CFAP299: variants seen among roughly 807,000 people sequenced by gnomAD.
CFAP299 encodes cilia and flagella associated protein 299.
A neutral mutation model predicts 27.0 loss-of-function variants in CFAP299; 21 were observed. The ratio of observed to expected loss-of-function variants is 0.78; its 90% CI spans 0.55 to 1.12. CFAP299 has a LOEUF of 1.12. Ranked by LOEUF, CFAP299 falls within the 50% of genes most tolerant of loss-of-function variation. The pLI, the probability that CFAP299 is intolerant of heterozygous loss-of-function variation, is 0.00. For synonymous variants in CFAP299, 104 were observed against 98.1 expected (o/e 1.06, Z -0.36); for missense variants, 310 against 276.6 (o/e 1.12, Z -0.86).
At chr4:80,348,426 T>C (rs1265671759) in intron 1 of CFAP299, among the ~76,000 whole-genome samples, 1 of 152,038 alleles carries the variant, frequency 6.6e-6, no homozygotes, top group Non-Finnish European at 1.5e-5. Flanking sequence ...ACAAGAAACT[T>C]AAACAAATTT....
chr4:80,731,981 T>C (rs1723551929), intron 3 of CFAP299, among the ~76,000 whole-genome samples: 1 of 152,076 alleles, frequency 6.6e-6, no homozygotes, highest in Admixed American at 6.6e-5. Flanking sequence ...AAAGCATCCA[T>C]AGAATTTTGT....
At position 80,862,496 on chromosome 4, in the gene CFAP299, A is replaced by G. The variant is rs189364093; in HGVS notation, c.334-7497A>G. 2.1e-3 allele frequency among the ~76,000 whole-genome samples: 325 copies of G among 152,348 alleles called. 2 individuals carry two copies. Among genetic ancestry groups the G allele is most frequent in the African/African-American group, 7.4e-3 (308 of 41,578 alleles). On this transcript the variant is annotated intron_variant, in intron 3 of 5. Transcript: ENST00000358105. ...TCAATCCCCAACCATTGCAAAATGA[A>G]CAAGCCAGCTATATGCAAAATTCTT...
At chr4:80,425,407 A>G (rs1727486452) in intron 2 of CFAP299, among the ~76,000 whole-genome samples, 1 of 152,190 alleles carries the variant, frequency 6.6e-6, no homozygotes, top group Non-Finnish European at 1.5e-5. Flanking sequence ...TTTTCCCCTT[A>G]TCTAAGACAT....
chr4:80,568,173 A>C (rs955570109), intron 2 of CFAP299, among the ~76,000 whole-genome samples: 1 of 151,912 alleles, frequency 6.6e-6, no homozygotes, highest in Admixed American at 6.6e-5. Flanking sequence ...ATCAATTAAT[A>C]TTATACAAAC....
At chr4:80,559,454 G>T (rs1166143354) in intron 2 of CFAP299, among the ~76,000 whole-genome samples, 1 of 152,036 alleles carries the variant, frequency 6.6e-6, no homozygotes, top group African/African-American at 2.4e-5. Context: ...TAGTCTCTTC[G>T]CCAAAAGACA....
intron 2 of CFAP299, among the ~76,000 whole-genome samples, chr4:80,484,437 G>A (rs767306777): frequency 6.6e-6 from 1 of 152,054 alleles, no homozygotes; most frequent in Non-Finnish European, 1.5e-5. Flanking sequence ...AAAATGAAAT[G>A]TTTAATGACC....
chr4:80,407,713 A>T (rs1297045403), intron 2 of CFAP299, among the ~76,000 whole-genome samples: 1 of 151,880 alleles, frequency 6.6e-6, no homozygotes, highest in East Asian at 1.9e-4. Flanking sequence ...GGAAAGATGT[A>T]TGAAAAATTG....
At position 80,825,085 on chromosome 4, in the gene CFAP299, CCAA is replaced by C. The variant is rs201876026; in HGVS notation, c.334-44904_334-44902del. Among the ~76,000 whole-genome samples the C allele has an allele frequency of 8.3e-3, 1,252 of 151,532 alleles. 22 individuals are homozygous for C. Among genetic ancestry groups the C allele is most frequent in the African/African-American group, 0.029 (1,185 of 41,330 alleles). ...AAAGAGATATAAACCTAAAAAGAAA[CCAA>C]CAAGATGTTCTGCAGCTAAAAAATA... On this transcript the variant is annotated intron_variant, in intron 3 of 5. Transcript: ENST00000358105.
At chr4:80,634,102 G>C (rs1029127701) in intron 3 of CFAP299, among the ~76,000 whole-genome samples, 2 of 149,996 alleles carry the variant, frequency 1.3e-5, no homozygotes, top group African/African-American at 4.9e-5. Context: ...TCCTGCCTCA[G>C]CCTCCAGAGT....
In CFAP299 at chr4:80,582,812, G is replaced by A. The variant is rs79787598; in HGVS notation, c.243-281G>A. Among the ~76,000 whole-genome samples, 49 of 151,834 alleles carry A rather than the reference G, an allele frequency of 3.2e-4. No individual in the cohort carries two copies. In the East Asian group the frequency reaches 5.8e-3, roughly 18 times the overall value. On this transcript the variant is annotated intron_variant, in intron 2 of 5. Transcript: ENST00000358105. ...CCATACGAACATGTTGACTTTTCAT[G>A]ATATGTTAAAAAAGAACGAAATGGG...
rs948429758 is a variant in CFAP299 at position 80,794,547 on chromosome 4, T to C, written c.334-75446T>C. On this transcript the variant is annotated intron_variant, in intron 3 of 5. Transcript: ENST00000358105. The stretch of plus-strand genomic sequence containing the variant: ...TTGTGACTTCAAAAGACCATTCCAC[T>C]GTTCTATCAATCCAGCTGCTTCAGG... Among the ~76,000 whole-genome samples, 6 of 152,164 alleles carry C rather than the reference T, an allele frequency of 3.9e-5. No individual in the cohort carries two copies. In the South Asian group the frequency reaches 6.2e-4, roughly 16 times the overall value.
At chr4:80,529,327 C>T (rs1188675039) in intron 2 of CFAP299, among the ~76,000 whole-genome samples, 3 of 152,148 alleles carry the variant, frequency 2.0e-5, no homozygotes, top group African/African-American at 2.4e-5. Context: ...ATGTAAACAG[C>T]TTGAAATGCC....
intron 3 of CFAP299, among the ~76,000 whole-genome samples, chr4:80,752,370 A>T (rs1249396693): frequency 6.8e-6 from 1 of 148,022 alleles, no homozygotes; most frequent in Non-Finnish European, 1.5e-5. Context: ...GTTTTCTTTT[A>T]TTGTGTTTCA....
chr4:80,867,455 T>G (rs543651513), intron 3 of CFAP299, among the ~76,000 whole-genome samples: 1 of 152,354 alleles, frequency 6.6e-6, no homozygotes, highest in African/African-American at 2.4e-5. Context: ...TTATTTTAAC[T>G]TATTATAATC....
chr4:80,889,590 T>C (rs56864698), intron 4 of CFAP299, among the ~76,000 whole-genome samples: 5,275 of 151,946 alleles, frequency 0.035, 209 homozygotes, highest in African/African-American at 0.099. Context: ...TTGTGAAAAA[T>C]AGAGGAAGAC....
At chr4:80,429,188 A>C (rs1210579099) in intron 2 of CFAP299, among the ~76,000 whole-genome samples, 2 of 152,202 alleles carry the variant, frequency 1.3e-5, no homozygotes, top group African/African-American at 2.4e-5. Context: ...GCTGGGACTA[A>C]TTGCTCTGGA....
At chr4:80,355,310 T>G (rs1723215134) in intron 1 of CFAP299, among the ~76,000 whole-genome samples, 1 of 151,618 alleles carries the variant, frequency 6.6e-6, no homozygotes, top group Non-Finnish European at 1.5e-5. Context: ...ATGTGATTGT[T>G]GGTCACATGT....
chr4:80,663,897 T>C (rs75891160), intron 3 of CFAP299, among the ~76,000 whole-genome samples: 4 of 151,900 alleles, frequency 2.6e-5, no homozygotes. Flanking sequence ...TAATTATGAG[T>C]TTTTTTTCAT....
intron 2 of CFAP299, among the ~76,000 whole-genome samples, chr4:80,440,724 A>G (rs912731364): frequency 6.6e-6 from 1 of 152,210 alleles, no homozygotes; most frequent in African/African-American, 2.4e-5. Flanking sequence ...GAATAGACAG[A>G]AGTAGTCTTC....
Sources: gnomAD v4.1 joint callset for allele counts (sites outside exome capture counted in the v4.1 genomes callset) on GRCh38, gnomAD v4.1.1 for gene constraint, MANE v1.5 for transcripts, NCBI Gene and HGNC (gene_info 2026-07-23, HGNC 2026-07-21) for gene names.